USP16: variants seen among roughly 807,000 people sequenced by gnomAD.
USP16 encodes ubiquitin specific peptidase 16, also known as ubiquitin carboxyl-terminal hydrolase 16.
Under a neutral mutation model 95.9 loss-of-function variants are expected in USP16, and 77 were observed. The observed-to-expected ratio is 0.80, with a 90% CI of 0.67 to 0.97. The LOEUF is 0.97. Ranked by LOEUF, USP16 falls within the 50% of genes least tolerant of loss-of-function variation. The probability of loss-of-function intolerance (pLI) is 0.00; values close to 1 mark genes in which losing one functional copy is unlikely to be tolerated. For synonymous variants in USP16, 303 were observed against 318.2 expected (o/e 0.95, Z 0.51); for missense variants, 943 against 959.9 (o/e 0.98, Z 0.23).
intron 12 of USP16, chr21:29,043,158 T>G (rs2085269319): frequency 4.3e-6 from 1 of 231,480 alleles, no homozygotes; most frequent in African/African-American, 2.2e-5. Context: ...ACAGCATGTA[T>G]CTAATAAATT....
intron 15 of USP16, 70 bp from the exon 16 acceptor site, chr21:29,050,022 G>A: frequency 2.2e-6 from 3 of 1,372,058 alleles, no homozygotes; most frequent in East Asian, 2.3e-5. Context: ...ACGTCGGAGG[G>A]GACTTCGGTT....
In USP16 at chr21:29,039,127, G is replaced by A. The variant is rs762472349; in HGVS notation, c.834G>A (p.Pro278=). ...AGACCAAAAAGGGGGTTGTGACACC[G>A]AAAGAACTCTTTTCTCAGGTCTGTA... is the stretch of plus-strand genomic sequence containing the variant. ...MQETKKGVVT[P]KELFSQVCKK... The change falls in exon 8 of 18, where the codon CCG becomes CCA. Residue 278 remains proline, a synonymous_variant. Transcript: ENST00000399976. The A allele has an allele frequency of 4.4e-5, 69 of 1,579,654 alleles. 1 individual carries two copies. Among genetic ancestry groups the A allele is most frequent in the South Asian group, 2.9e-4 (25 of 86,266 alleles).
chr21:29,036,150 C>T lies in USP16; in HGVS notation c.345-121C>T, dbSNP rs150003035. 9.9e-4 allele frequency: 739 copies of T among 743,172 alleles called. 2 individuals carry two copies. The highest frequency in any genetic ancestry group is 7.0e-3 in the African/African-American group (395 of 56,190). The allele number at this position is 743,172 out of a possible 1,614,324, so 46.0% of individuals were successfully genotyped here. On this transcript the variant is annotated intron_variant, in intron 4 of 17. Transcript: ENST00000399976. ...CTTCTTCAGGAAAACAGAATTTTTA[C>T]GTTCGGTTTCTTTAATAGAATAAGT... is the stretch of plus-strand genomic sequence containing the variant.
At chr21:29,031,551 G>T (rs551464158) in intron 3 of USP16, among the ~76,000 whole-genome samples, 2 of 152,214 alleles carry the variant, frequency 1.3e-5, no homozygotes, top group African/African-American at 2.4e-5. Flanking sequence ...CAGTTTTCCT[G>T]CCTCAGTCTC....
At chr21:29,041,681 C>T (rs577379454) in intron 10 of USP16, among the ~76,000 whole-genome samples, 2 of 152,220 alleles carry the variant, frequency 1.3e-5, no homozygotes, top group Admixed American at 1.3e-4. Flanking sequence ...CTACTCTGAG[C>T]TGTTCATTTT....
At chr21:29,035,215 C>T (rs560574933) in intron 4 of USP16, among the ~76,000 whole-genome samples, 2 of 152,078 alleles carry the variant, frequency 1.3e-5, no homozygotes, top group South Asian at 2.1e-4. Flanking sequence ...GAGATAGGGA[C>T]GCTAAGAACA....
intron 4 of USP16, among the ~76,000 whole-genome samples, chr21:29,035,562 CG>C (rs2085142480): frequency 6.6e-6 from 1 of 151,222 alleles, no homozygotes; most frequent in South Asian, 2.1e-4. Flanking sequence ...TTAGTAGAGA[CG>C]GGGTTTCACC....
chr21:29,039,200 G>A, intron 8 of USP16, 44 bp downstream of exon 8: 1 of 1,394,200 alleles, frequency 7.2e-7, no homozygotes, highest in Non-Finnish European at 9.3e-7. Flanking sequence ...TCAGTGAGAT[G>A]CTGAGAAATA....
chr21:29,047,153 A>T lies in USP16; in HGVS notation c.1843A>T (p.Thr615Ser). The change falls in exon 14 of 18, where the codon ACT (threonine) becomes TCT (serine). Residue 615 changes from threonine (T) to serine (S), a missense_variant. Transcript: ENST00000399976. Reference sequence around the variant, plus strand: ...TGAGGTTGTAAATGAAGATCCAGAAACTGCTTTCTGTACTCTTGCAAACAG... The same window carrying T: ...TGAGGTTGTAAATGAAGATCCAGAATCTGCTTTCTGTACTCTTGCAAACAG... ...VYEVVNEDPE[T>S]AFCTLANREV... The T allele has an allele frequency of 6.2e-7, 1 of 1,614,088 alleles. No individual in the cohort carries two copies. Among genetic ancestry groups the T allele is most frequent in the Non-Finnish European group, 8.5e-7 (1 of 1,180,010 alleles).
Position 29,039,564 on chromosome 21 carries a change from A to C in USP16, c.947A>C (p.His316Pro). 1 of 1,612,558 alleles carries C rather than the reference A, an allele frequency of 6.2e-7. No individual in the cohort carries two copies. The highest frequency in any genetic ancestry group is 8.5e-7 in the Non-Finnish European group (1 of 1,178,940). The change falls in exon 9 of 18, where the codon CAC becomes CCC. Residue 316 changes from histidine to proline, a missense_variant. His to Pro is a moderately conservative substitution (Grantham distance 77, BLOSUM62 -2). Coordinates refer to ENST00000399976, the MANE Select transcript of USP16 (RefSeq NM_006447.3). ...YLLDGMRAEE[H>P]QRVSKGILKA... ...TTGGATGGGATGAGAGCAGAAGAACACCAAGTTAGCATGTTATGACCATTG... is the reference window on the plus strand; with the variant it reads ...TTGGATGGGATGAGAGCAGAAGAACCCCAAGTTAGCATGTTATGACCATTG...
intron 15 of USP16, 101 bp downstream of exon 15, chr21:29,048,956 T>A: frequency 1.1e-6 from 1 of 890,358 alleles, no homozygotes; most frequent in South Asian, 1.7e-5. Flanking sequence ...TTCTTTGGTT[T>A]TCTGTTGTTT....
rs763358626 is a variant in USP16 at position 29,030,764 on chromosome 21, T to C, written c.231T>C (p.Cys77=). 6 of 1,605,598 alleles carry C rather than the reference T, an allele frequency of 3.7e-6. No individual in the cohort carries two copies. Among genetic ancestry groups the C allele is most frequent in the Non-Finnish European group, 5.1e-6 (6 of 1,177,548 alleles). The change falls in exon 3 of 18, where the codon TGT becomes TGC. Residue 77 remains cysteine, a synonymous_variant. Transcript: ENST00000399976. The part of the protein sequence containing the change: ...EKPSVWLCLK[C]GHQGCGRNSQ... ...CTTCAGTTTGGCTGTGTCTTAAATG[T>C]GGCCATCAGGTATGCTTACGTTTTA...
chr21:29,043,565 A>G lies in USP16; in HGVS notation c.1322A>G (p.Lys441Arg). Reference protein sequence around the residue: ...IPSGTSKHLQKKAKKQAKKQA... With the variant: ...IPSGTSKHLQRKAKKQAKKQA... ...TCTGGAACAAGTAAGCACTTACAGAAAAAAGCAAAGAAACAAGCCAAAAAG... is the reference window on the plus strand; with the variant it reads ...TCTGGAACAAGTAAGCACTTACAGAGAAAAGCAAAGAAACAAGCCAAAAAG... The change falls in exon 13 of 18, where the codon AAA becomes AGA. Residue 441 changes from lysine to arginine, a missense_variant. By Grantham distance (26) the Lys-to-Arg change is conservative (BLOSUM62 2). Coordinates refer to ENST00000399976, the MANE Select transcript of USP16 (RefSeq NM_006447.3). 1.3e-6 allele frequency: 2 copies of G among 1,568,072 alleles called. No homozygotes were observed. Among genetic ancestry groups the G allele is most frequent in the Non-Finnish European group, 1.7e-6 (2 of 1,163,934 alleles).
chr21:29,053,727 T>C, intron 16 of USP16, 75 bp from the exon 17 acceptor site: 2 of 1,476,678 alleles, frequency 1.4e-6, no homozygotes, highest in Non-Finnish European at 9.2e-7. Flanking sequence ...CTTTGCATAG[T>C]GTAAACTTGT....
intron 2 of USP16, among the ~76,000 whole-genome samples, chr21:29,028,772 C>T (rs930695348): frequency 6.6e-6 from 1 of 152,130 alleles, no homozygotes; most frequent in Non-Finnish European, 1.5e-5. Context: ...TTGCATTTAG[C>T]AAAGACCATG....
At position 29,038,328 on chromosome 21, in the gene USP16, A is replaced by G. The variant is rs1344538752; in HGVS notation, c.637-7A>G. On this transcript the variant is annotated splice_polypyrimidine_tract_variant and splice_region_variant and intron_variant, in intron 6 of 17. Transcript: ENST00000399976. ...TTTTTCTCTTTTTTTTTCACCCTAC[A>G]TTCTAGAACTTGTCACAAACACCAG... 16 of 1,585,444 alleles carry G rather than the reference A, an allele frequency of 1.0e-5. No homozygotes were observed. The highest frequency in any genetic ancestry group is 1.7e-5 in the Admixed American group (1 of 57,458).
At chr21:29,024,990 C>G (rs947493674) in intron 1 of USP16, 3 of 405,628 alleles carry the variant, frequency 7.4e-6, no homozygotes, top group Non-Finnish European at 1.2e-5. Flanking sequence ...GCGGCCTTCT[C>G]GACCCCGTGG....
intron 16 of USP16, among the ~76,000 whole-genome samples, chr21:29,051,779 G>A (rs558546069): frequency 2.6e-5 from 4 of 151,748 alleles, no homozygotes; most frequent in South Asian, 2.1e-4. Context: ...GCAGTGAGCC[G>A]AGATTGCGTC....
intron 13 of USP16, among the ~76,000 whole-genome samples, chr21:29,046,116 A>G (rs2085319465): frequency 6.6e-6 from 1 of 151,834 alleles, no homozygotes. Flanking sequence ...GAGCCACCAC[A>G]CCTGGCCTAA....
Sources: allele counts gnomAD v4.1 joint callset (sites outside exome capture counted in the v4.1 genomes callset), GRCh38; gene constraint gnomAD v4.1.1; transcripts MANE v1.5; gene names NCBI Gene and HGNC (gene_info 2026-07-23, HGNC 2026-07-21).